The following WWTR1 variants were observed in gnomAD, a reference collection of about 807,000 sequenced individuals.
WWTR1 encodes WW domain-containing transcription regulator protein 1.
A neutral mutation model predicts 40.1 loss-of-function variants in WWTR1; 13 were observed. That is an observed-to-expected ratio of 0.32 (90% confidence interval 0.21 to 0.52). WWTR1 has a LOEUF of 0.52. WWTR1 is among the 20% of genes least tolerant of loss of function. The pLI is 0.97. For missense variants in WWTR1, 436 were observed against 523.1 expected (o/e 0.83, Z 1.63); for synonymous variants, 230 against 210.1 (o/e 1.09, Z -0.82).
intron 2 of WWTR1, among the ~76,000 whole-genome samples, chr3:149,583,597 T>G (rs1738257101): frequency 6.6e-6 from 1 of 152,224 alleles, no homozygotes; most frequent in Non-Finnish European, 1.5e-5. Context: ...TACATTATAT[T>G]ATCTTTCAGT....
chr3:149,689,765 C>T (rs1479481155), intron 1 of WWTR1, among the ~76,000 whole-genome samples: 1 of 152,130 alleles, frequency 6.6e-6, no homozygotes, highest in African/African-American at 2.4e-5. Flanking sequence ...AAGAAATCAT[C>T]TGAACATACA....
chr3:149,669,084 C>G (rs185232676), intron 2 of WWTR1, among the ~76,000 whole-genome samples: 45 of 152,252 alleles, frequency 3.0e-4, no homozygotes, highest in African/African-American at 1.1e-3. Flanking sequence ...AAGTTTTTAC[C>G]TTTAGTCAGT....
At chr3:149,562,050 C>A (rs1412653658) in intron 3 of WWTR1, among the ~76,000 whole-genome samples, 1 of 152,110 alleles carries the variant, frequency 6.6e-6, no homozygotes, top group African/African-American at 2.4e-5. Context: ...AATCCCAACA[C>A]TTTGGGGGCC....
chr3:149,559,346 T>C (rs1281950844), intron 3 of WWTR1, among the ~76,000 whole-genome samples: 1 of 147,686 alleles, frequency 6.8e-6, no homozygotes, highest in Non-Finnish European at 1.5e-5. Context: ...AAAGAAAAAG[T>C]CTTTTGAGAA....
At position 149,723,185 on chromosome 3, in the gene WWTR1, C is replaced by CTTT. The variant is rs35573546; in HGVS notation, n.459+892_459+894dup. Reference sequence around the variant, plus strand: ...TGGTTTGCTGGTTTTCTTTTCTTTTCTTTTTTTTTTTTTTTTTTTTGAGAC... The same window carrying CTTT: ...TGGTTTGCTGGTTTTCTTTTCTTTTCTTTTTTTTTTTTTTTTTTTTTTTGAGAC... On this transcript the variant is annotated intron_variant and non_coding_transcript_variant, in intron 4 of 6. Coordinates refer to the WWTR1 transcript ENST00000474080. Among the ~76,000 whole-genome samples, 464 of 101,808 alleles carry CTTT rather than the reference C, an allele frequency of 4.6e-3. 11 individuals are homozygous for CTTT. Among genetic ancestry groups the CTTT allele is most frequent in the African/African-American group, 4.9e-3 (124 of 25,512 alleles). 66.8% of individuals were successfully genotyped at this position (101,808 alleles called of 152,430 possible).
chr3:149,631,135 A>T (rs1237387556), intron 2 of WWTR1, among the ~76,000 whole-genome samples: 3 of 152,194 alleles, frequency 2.0e-5, no homozygotes, highest in African/African-American at 7.2e-5. Flanking sequence ...AGAATAGAGG[A>T]AGAGGAATAA....
Position 149,543,580 on chromosome 3 carries a change from C to CAAAAAAAAAAAAA in WWTR1, c.569-1056_569-1044dup, listed in dbSNP as rs755442408. Reference sequence around the variant, plus strand: ...CTGGTGACAAAGAAAGACTCTGTCTCAAAAAAAAAAAAAAAAAAAAAAAGA... The same window carrying CAAAAAAAAAAAAA: ...CTGGTGACAAAGAAAGACTCTGTCTCAAAAAAAAAAAAAAAAAAAAAAAAAAAAAAAAAAAAGA... On this transcript the variant is annotated intron_variant, in intron 3 of 6. Transcript: ENST00000360632. Among the ~76,000 whole-genome samples the CAAAAAAAAAAAAA allele has an allele frequency of 2.0e-3, 62 of 31,198 alleles. 10 individuals are homozygous for CAAAAAAAAAAAAA. The highest frequency in any genetic ancestry group is 4.3e-3 in the South Asian group (2 of 460). 20.5% of individuals were successfully genotyped at this position (31,198 alleles called of 152,430 possible).
chr3:149,640,481 C>T (rs1265342384), intron 2 of WWTR1, among the ~76,000 whole-genome samples: 1 of 151,970 alleles, frequency 6.6e-6, no homozygotes, highest in Non-Finnish European at 1.5e-5. Context: ...AATGCAGTGC[C>T]CCAATCTTGG....
chr3:149,616,390 C>A (rs1043009869), intron 2 of WWTR1, among the ~76,000 whole-genome samples: 9 of 151,948 alleles, frequency 5.9e-5, no homozygotes, highest in African/African-American at 2.2e-4. Flanking sequence ...GCTAGAACTA[C>A]GTATTTCTTC....
chr3:149,682,983 G>T (rs1449063342), intron 1 of WWTR1, among the ~76,000 whole-genome samples: 1 of 152,124 alleles, frequency 6.6e-6, no homozygotes, highest in Non-Finnish European at 1.5e-5. Context: ...GGGTAAAATA[G>T]AAAAGACAAA....
intron 2 of WWTR1, among the ~76,000 whole-genome samples, chr3:149,600,994 T>C (rs935385282): frequency 1.3e-5 from 2 of 152,108 alleles, no homozygotes; most frequent in Non-Finnish European, 2.9e-5. Flanking sequence ...TGACACTGCA[T>C]GAAACAGAGA....
intron 1 of WWTR1, among the ~76,000 whole-genome samples, chr3:149,674,280 T>TCA (rs751729821): frequency 4.1e-4 from 62 of 151,540 alleles, no homozygotes; most frequent in Middle Eastern, 3.4e-3. Flanking sequence ...TCTTTCTCTC[T>TCA]CACACACACA....
chr3:149,621,227 T>C (rs767505459), intron 2 of WWTR1, among the ~76,000 whole-genome samples: 1 of 152,248 alleles, frequency 6.6e-6, no homozygotes, highest in Non-Finnish European at 1.5e-5. Flanking sequence ...AAACAGTCCT[T>C]GTTTTTAAAC....
intron 1 of WWTR1, chr3:149,702,735 G>A (rs902497860): frequency 3.3e-5 from 5 of 151,894 alleles, no homozygotes; most frequent in Non-Finnish European, 7.4e-5. Context: ...AGTAGGATCA[G>A]TTCTCCTTTG....
intron 2 of WWTR1, among the ~76,000 whole-genome samples, chr3:149,648,544 G>T (rs1712664860): frequency 6.6e-6 from 1 of 152,196 alleles, no homozygotes; most frequent in Non-Finnish European, 1.5e-5. Flanking sequence ...GGAGCTGCAA[G>T]TTGGGGAAAA....
chr3:149,723,659 T>C (rs1467503566), intron 4 of WWTR1, among the ~76,000 whole-genome samples: 1 of 152,196 alleles, frequency 6.6e-6, no homozygotes, highest in Non-Finnish European at 1.5e-5. Flanking sequence ...TCATTTTTAA[T>C]GCTCTAGTCT....
intron 1 of WWTR1, among the ~76,000 whole-genome samples, chr3:149,677,701 G>A (rs1176984333): frequency 1.3e-5 from 2 of 152,150 alleles, no homozygotes; most frequent in Non-Finnish European, 2.9e-5. Flanking sequence ...TCAACGCGGT[G>A]TCGTGACGCG....
At position 149,578,668 on chromosome 3, in the gene WWTR1, C is replaced by T. The variant is rs185921128; in HGVS notation, c.432-5668G>A. 3.5e-3 allele frequency among the ~76,000 whole-genome samples: 539 copies of T among 152,190 alleles called. 5 individuals are homozygous for T. The highest frequency in any genetic ancestry group is 0.012 in the African/African-American group (507 of 41,510). On this transcript the variant is annotated intron_variant, in intron 2 of 6. Transcript: ENST00000360632. The stretch of plus-strand genomic sequence containing the variant: ...ATCCCAGCACTTTGGGAGGCCGAGG[C>T]GGGTGGATCACCTGAGGTCGGGAGT...
intron 3 of WWTR1, among the ~76,000 whole-genome samples, chr3:149,561,044 T>A (rs1043932794): frequency 6.6e-6 from 1 of 152,192 alleles, no homozygotes; most frequent in African/African-American, 2.4e-5. Context: ...TTGTATTTTT[T>A]AAGAAATGTT....
Sources: allele counts gnomAD v4.1 joint callset (sites outside exome capture counted in the v4.1 genomes callset), GRCh38; gene constraint gnomAD v4.1.1; transcripts MANE v1.5; gene names NCBI Gene and HGNC (gene_info 2026-07-23, HGNC 2026-07-21).